The following DDX46 variants were observed in gnomAD, a reference collection of about 807,000 sequenced individuals.
DDX46 encodes DEAD-box helicase 46.
A neutral mutation model predicts 134.9 loss-of-function variants in DDX46; 30 were observed. The ratio of observed to expected loss-of-function variants is 0.22; its 90% CI spans 0.17 to 0.30. DDX46 has a LOEUF of 0.30. Among genes scored for constraint, DDX46 ranks in the 10% least tolerant of loss-of-function variants. The pLI is 1.00. For synonymous variants in DDX46, 415 were observed against 404.1 expected (o/e 1.03, Z -0.32); for missense variants, 622 against 1,248.7 (o/e 0.50, Z 7.56).
chr5:134,783,033 A>C lies in DDX46; in HGVS notation c.1134A>C (p.Gly378=). ...PKPIKSWVQC[G]ISMKILNSLK... is the part of the protein sequence containing the mutation. The stretch of plus-strand genomic sequence containing the variant: ...CAATTAAATCCTGGGTCCAGTGTGG[A>C]ATTTCCATGAAGATCTTAAATTCCC... The change falls in exon 9 of 23, where the codon GGA becomes GGC. Residue 378 remains glycine, a synonymous_variant. Coordinates refer to ENST00000452510, the MANE Select transcript of DDX46 (RefSeq NM_001300860.2). 6.2e-7 allele frequency: 1 copy of C among 1,613,606 alleles called. No homozygotes were observed. Among genetic ancestry groups the C allele is most frequent in the Non-Finnish European group, 8.5e-7 (1 of 1,179,700 alleles).
intron 15 of DDX46, among the ~76,000 whole-genome samples, chr5:134,798,214 A>G (rs1015751462): frequency 6.8e-6 from 1 of 146,448 alleles, no homozygotes; most frequent in Non-Finnish European, 1.5e-5. Flanking sequence ...TGTTTGAGAC[A>G]GGGTCTTGCT....
chr5:134,797,196 A>AC (rs1754690557), intron 15 of DDX46: 1 of 281,796 alleles, frequency 3.5e-6, no homozygotes, highest in Non-Finnish European at 6.8e-6. Flanking sequence ...AAAAAAAAAA[A>AC]ACACAAAACA....
At chr5:134,819,116 C>A in intron 21 of DDX46, 112 bp downstream of exon 21, 2 of 1,177,356 alleles carry the variant, frequency 1.7e-6, no homozygotes, top group Non-Finnish European at 2.3e-6. Flanking sequence ...AAGTAAGAAA[C>A]ACCTCTGAAA....
At chr5:134,799,369 A>C (rs1754760501) in intron 15 of DDX46, among the ~76,000 whole-genome samples, 1 of 150,366 alleles carries the variant, frequency 6.7e-6, no homozygotes, top group African/African-American at 2.5e-5. Flanking sequence ...CTTGTCTTGA[A>C]CTTCTGGGCT....
At chr5:134,816,764 GGAT>G in intron 19 of DDX46, 158 bp downstream of exon 19, 1 of 738,508 alleles carries the variant, frequency 1.4e-6, no homozygotes, top group Non-Finnish European at 2.1e-6. Context: ...AATTGCATTT[GGAT>G]GATTTCTCAG....
At chr5:134,777,929 C>A in intron 6 of DDX46, 1 of 494,512 alleles carries the variant, frequency 2.0e-6, no homozygotes, top group Non-Finnish European at 3.4e-6. Flanking sequence ...ACTCTTTTAA[C>A]ACCATCAACT....
chr5:134,826,737 G>GT, intron 21 of DDX46: 1 of 473,188 alleles, frequency 2.1e-6, no homozygotes, highest in Non-Finnish European at 3.7e-6. Context: ...GACCTCAGTG[G>GT]TTACATTTGA....
intron 8 of DDX46, 102 bp from the exon 9 acceptor site, chr5:134,782,843 T>C: frequency 7.0e-7 from 1 of 1,435,168 alleles, no homozygotes; most frequent in Non-Finnish European, 9.4e-7. Context: ...CCGCTGGGTC[T>C]GGCATAAGAG....
At chr5:134,764,876 ACT>A (rs1300244706) in intron 2 of DDX46, among the ~76,000 whole-genome samples, 1 of 103,544 alleles carries the variant, frequency 9.7e-6, no homozygotes, top group Admixed American at 1.1e-4. Context: ...CTTCCCTTCC[ACT>A]CTCTCTCCCT....
chr5:134,784,610 T>C (rs1754274468), intron 10 of DDX46, 69 bp downstream of exon 10: 1 of 1,449,482 alleles, frequency 6.9e-7, no homozygotes, highest in Non-Finnish European at 9.2e-7. Flanking sequence ...ACCTTATAGT[T>C]TATAATGTTC....
At chr5:134,796,843 ACT>A (rs1432622136) in intron 15 of DDX46, among the ~76,000 whole-genome samples, 2 of 125,914 alleles carry the variant, frequency 1.6e-5, no homozygotes, top group African/African-American at 6.3e-5. Context: ...ACAGAGTGAG[ACT>A]CTCTCCATAA....
chr5:134,771,859 C>T (rs911923014), intron 4 of DDX46, among the ~76,000 whole-genome samples: 4 of 152,116 alleles, frequency 2.6e-5, no homozygotes, highest in Non-Finnish European at 4.4e-5. Flanking sequence ...CACATCTATA[C>T]GCAATATCTG....
chr5:134,777,688 A>G lies in DDX46; in HGVS notation c.728A>G (p.Asn243Ser), dbSNP rs1179578336. 1.2e-6 allele frequency: 2 copies of G among 1,613,012 alleles called. No homozygotes were observed. Among genetic ancestry groups the G allele is most frequent in the South Asian group, 1.1e-5 (1 of 90,936 alleles). The change falls in exon 6 of 23, where the codon AAC becomes AGC. Residue 243 changes from asparagine (N) to serine (S), a missense_variant. By Grantham distance (46) the Asn-to-Ser change is conservative (BLOSUM62 1). This residue lies in a region of DDX46 where 244 missense variants were observed against 349.3 expected (regional missense o/e 0.70). Coordinates refer to ENST00000452510, the MANE Select transcript of DDX46 (RefSeq NM_001300860.2). ...GTGAAAGAGGAAGTAAAAAAATTTA[A>G]CATGAGAAGTGTAAAAGGTGGTGGG... ...EEVKEEVKKF[N>S]MRSVKGGGGN...
Position 134,785,531 on chromosome 5 carries a change from A to G in DDX46, c.1409A>G (p.Lys470Arg), listed in dbSNP as rs750964935. The change falls in exon 11 of 23, where the codon AAG becomes AGG. Residue 470 changes from lysine (K) to arginine (R), a missense_variant. By Grantham distance (26) the Lys-to-Arg change is conservative. Coordinates refer to ENST00000452510, the MANE Select transcript of DDX46 (RefSeq NM_001300860.2). ...ACTAAAGAGTGTAAGAAGTTTTCCA[A>G]GACTTTGGGACTTAGAGTGGTCTGT... ...QITKECKKFS[K>R]TLGLRVVCVY... 5 of 1,613,822 alleles carry G rather than the reference A, an allele frequency of 3.1e-6. No homozygotes were observed. The highest frequency in any genetic ancestry group is 2.7e-5 in the African/African-American group (2 of 74,914).
intron 15 of DDX46, among the ~76,000 whole-genome samples, chr5:134,803,939 T>C (rs1471289831): frequency 6.7e-6 from 1 of 148,178 alleles, no homozygotes; most frequent in Admixed American, 6.7e-5. Flanking sequence ...TTTTTTTTTT[T>C]TTTGAGACAA....
chr5:134,795,209 T>TTG (rs1331974745), intron 14 of DDX46, among the ~76,000 whole-genome samples, 195 bp downstream of exon 14: 109 of 144,024 alleles, frequency 7.6e-4, no homozygotes, highest in African/African-American at 2.7e-3. Flanking sequence ...TGCTTGTTTT[T>TTG]TTTTTTTTTT....
At position 134,816,492 on chromosome 5, in the gene DDX46, T is replaced by C. The variant is rs1580817309; in HGVS notation, c.2499T>C (p.Pro833=). The change falls in exon 19 of 23, where the codon CCT becomes CCC. Residue 833 remains proline, a synonymous_variant. Transcript: ENST00000452510. ...SKKRVKDMAA[P]GTSSVPAPTA... ...AGAGAGTAAAGGATATGGCTGCTCC[T>C]GGAACATCAAGTGTTCCTGCTCCAA... 1 of 1,614,094 alleles carries C rather than the reference T, an allele frequency of 6.2e-7. No homozygotes were observed. The highest frequency in any genetic ancestry group is 1.3e-5 in the African/African-American group (1 of 75,056).
rs147066471 is a variant in DDX46 at position 134,763,620 on chromosome 5, G to A, written c.18-284G>A. 2.2e-3 allele frequency among the ~76,000 whole-genome samples: 330 copies of A among 152,122 alleles called. 2 individuals are homozygous for A. Among genetic ancestry groups the A allele is most frequent in the African/African-American group, 6.8e-3 (284 of 41,496 alleles). ...GTGTTTGTTTCTTCACTTGTCTGCC[G>A]TCTTTTCCTTTACCGGAGTGTAAGC... is the stretch of plus-strand genomic sequence containing the variant. On this transcript the variant is annotated intron_variant, in intron 1 of 22. Coordinates refer to ENST00000452510, the MANE Select transcript of DDX46 (RefSeq NM_001300860.2).
chr5:134,811,894 G>A (rs547626553), intron 18 of DDX46, 49 bp downstream of exon 18: 1 of 1,578,386 alleles, frequency 6.3e-7, no homozygotes, highest in South Asian at 1.2e-5. Context: ...TATTTCTTTT[G>A]TACTGGAGGT....
Sources: gnomAD v4.1 joint callset for allele counts (sites outside exome capture counted in the v4.1 genomes callset) on GRCh38, gnomAD v4.1.1 for gene constraint, gnomAD v4.1.1 regional missense constraint, MANE v1.5 for transcripts, NCBI Gene and HGNC (gene_info 2026-07-23, HGNC 2026-07-21) for gene names.